Variants in SRGAP2 observed in about 807,000 individuals in gnomAD.
SRGAP2 encodes the protein SLIT-ROBO Rho GTPase activating protein 2, also known as SLIT-ROBO Rho GTPase-activating protein 2.
A neutral mutation model predicts 57.2 loss-of-function variants in SRGAP2; 15 were observed. The observed-to-expected ratio is 0.26, with a 90% CI of 0.18 to 0.40. The LOEUF is 0.40. Ranked by LOEUF, SRGAP2 falls within the 10% of genes least tolerant of loss-of-function variation. The probability of loss-of-function intolerance (pLI) is 1.00; values close to 1 mark genes in which losing one functional copy is unlikely to be tolerated. For synonymous variants in SRGAP2, 249 were observed against 248.0 expected (o/e 1.00, Z -0.04); for missense variants, 520 against 669.6 (o/e 0.78, Z 2.47).
intron 3 of SRGAP2, among the ~76,000 whole-genome samples, chr1:206,318,770 C>T (rs1265341683): frequency 6.6e-6 from 1 of 152,096 alleles, no homozygotes; most frequent in African/African-American, 2.4e-5. Context: ...ACAACCAGAT[C>T]TCTTGTGAAC....
At chr1:206,416,437 G>T (rs1262754819) in intron 11 of SRGAP2, among the ~76,000 whole-genome samples, 16 of 152,174 alleles carry the variant, frequency 1.1e-4, no homozygotes, top group Admixed American at 1.0e-3. Flanking sequence ...GCTTTCTATA[G>T]CTTCCAGAAA....
At chr1:206,226,714 T>C (rs1408738946) in intron 2 of SRGAP2, among the ~76,000 whole-genome samples, 8 of 152,134 alleles carry the variant, frequency 5.3e-5, no homozygotes, top group African/African-American at 1.9e-4. Context: ...TTGGTGTTTG[T>C]TTTGATGAGA....
chr1:206,453,437 G>A, intron 20 of SRGAP2, 57 bp downstream of exon 20: 1 of 509,888 alleles, frequency 2.0e-6, no homozygotes, highest in Non-Finnish European at 3.6e-6. Context: ...ATGGGAGTGA[G>A]ACTTCATTTC....
intron 12 of SRGAP2, among the ~76,000 whole-genome samples, 163 bp downstream of exon 12, chr1:206,419,563 C>G (rs1220587527): frequency 6.6e-6 from 1 of 152,116 alleles, no homozygotes; most frequent in Non-Finnish European, 1.5e-5. Flanking sequence ...CCTTACTGAC[C>G]CCATCTGATC....
At chr1:206,354,082 T>G (rs1676248891) in intron 4 of SRGAP2, among the ~76,000 whole-genome samples, 1 of 152,236 alleles carries the variant, frequency 6.6e-6, no homozygotes, top group African/African-American at 2.4e-5. Flanking sequence ...AAAACATAGT[T>G]GGCAATTACT....
rs1404953377 is a variant in SRGAP2, at chr1:206,257,877, T to C, written c.68-45404T>C. On this transcript the variant is annotated intron_variant, in intron 2 of 22. Transcript: ENST00000573034. The stretch of plus-strand genomic sequence containing the variant: ...GCATTGGGATGGGTACTAATGGGAA[T>C]GGGCAGTGAAGGCCTCTCTGAGGAG... Among the ~76,000 whole-genome samples the C allele has an allele frequency of 1.0e-3, 154 of 148,170 alleles. 1 individual carries two copies. The highest frequency in any genetic ancestry group is 3.7e-3 in the African/African-American group (148 of 40,222).
chr1:206,412,183 A>C (rs1427306499), intron 10 of SRGAP2, among the ~76,000 whole-genome samples: 2 of 152,238 alleles, frequency 1.3e-5, no homozygotes, highest in African/African-American at 4.8e-5. Context: ...AAAAGTTATT[A>C]TGTTAATACT....
chr1:206,336,266 G>A (rs1457740482), intron 3 of SRGAP2, among the ~76,000 whole-genome samples: 1 of 104,362 alleles, frequency 9.6e-6, no homozygotes, highest in South Asian at 4.0e-4. Context: ...ACAATTTGTG[G>A]TACTCACTTG....
chr1:206,228,766 C>T (rs1471423324), intron 2 of SRGAP2, among the ~76,000 whole-genome samples: 4 of 150,686 alleles, frequency 2.7e-5, no homozygotes, highest in Admixed American at 2.6e-4. Context: ...TGTAAAAATA[C>T]TGTACAAAGG....
chr1:206,397,009 C>CT (rs1553353713), intron 7 of SRGAP2, among the ~76,000 whole-genome samples: 1 of 152,148 alleles, frequency 6.6e-6, no homozygotes, highest in Non-Finnish European at 1.5e-5. Context: ...ATTTGTACAT[C>CT]TTTGTAACCT....
At chr1:206,262,695 G>A (rs1553313803) in intron 2 of SRGAP2, among the ~76,000 whole-genome samples, 1 of 148,606 alleles carries the variant, frequency 6.7e-6, no homozygotes, top group African/African-American at 2.5e-5. Context: ...ACCAAGAGAT[G>A]TGCTCTAGAG....
chr1:206,429,247 C>T (rs764989232), intron 13 of SRGAP2, among the ~76,000 whole-genome samples: 14 of 152,180 alleles, frequency 9.2e-5, no homozygotes, highest in Non-Finnish European at 1.9e-4. Flanking sequence ...TTGCTTAGTA[C>T]CTGTTAGTCC....
At chr1:206,362,023 A>G (rs2102994325) in intron 4 of SRGAP2, among the ~76,000 whole-genome samples, 1 of 150,140 alleles carries the variant, frequency 6.7e-6, no homozygotes, top group South Asian at 2.1e-4. Context: ...ACCTGCTGGC[A>G]TTATTAAAGT....
intron 4 of SRGAP2, among the ~76,000 whole-genome samples, chr1:206,369,636 C>A (rs1162259238): frequency 6.6e-6 from 1 of 152,176 alleles, no homozygotes; most frequent in Non-Finnish European, 1.5e-5. Flanking sequence ...AAATGGCCAA[C>A]AAGCACATTT....
At chr1:206,309,181 A>T (rs1385615636) in intron 3 of SRGAP2, among the ~76,000 whole-genome samples, 35 of 150,848 alleles carry the variant, frequency 2.3e-4, no homozygotes, top group Admixed American at 1.8e-3. Flanking sequence ...AAAAAAAAAA[A>T]AAAATCCCTG....
chr1:206,426,346 T>C (rs782204072), intron 13 of SRGAP2, among the ~76,000 whole-genome samples: 11 of 152,252 alleles, frequency 7.2e-5, no homozygotes, highest in Non-Finnish European at 1.6e-4. Context: ...ATTGTGTATA[T>C]ATACCACATT....
chr1:206,278,212 G>A (rs1333739678), intron 2 of SRGAP2, among the ~76,000 whole-genome samples: 1 of 150,418 alleles, frequency 6.6e-6, no homozygotes, highest in Non-Finnish European at 1.5e-5. Flanking sequence ...GGAAGAGGGA[G>A]ACAAACAATA....
intron 4 of SRGAP2, among the ~76,000 whole-genome samples, chr1:206,348,288 C>T (rs1675797913): frequency 6.6e-6 from 1 of 151,388 alleles, no homozygotes; most frequent in Non-Finnish European, 1.5e-5. Context: ...AAAGCTCAGT[C>T]TGTCTAACCT....
At chr1:206,436,277 C>CTA (rs782060018) in intron 14 of SRGAP2, among the ~76,000 whole-genome samples, 10 of 152,182 alleles carry the variant, frequency 6.6e-5, no homozygotes, top group South Asian at 6.2e-4. Context: ...GTTAAAACAG[C>CTA]TAAAGCAATA....
Sources: gnomAD v4.1 joint callset for allele counts (sites outside exome capture counted in the v4.1 genomes callset) on GRCh38, gnomAD v4.1.1 for gene constraint, MANE v1.5 for transcripts, NCBI Gene and HGNC (gene_info 2026-07-23, HGNC 2026-07-21) for gene names.